SEM1: variants seen among roughly 807,000 people sequenced by gnomAD.
The protein encoded by SEM1 is 26S proteasome complex subunit SEM1.
In SEM1, 3 loss-of-function variants were observed where a neutral mutation model predicts 12.7. The ratio of observed to expected loss-of-function variants is 0.24; its 90% CI spans 0.11 to 0.61. The LOEUF (loss-of-function observed/expected upper bound fraction) is 0.61. Ranked by LOEUF, SEM1 falls within the 20% of genes least tolerant of loss-of-function variation. The pLI, the probability that SEM1 is intolerant of heterozygous loss-of-function variation, is 0.88. For missense variants in SEM1, 59 were observed against 81.3 expected, an observed-to-expected ratio of 0.73 and a Z score of 1.06; for synonymous variants, 30 against 27.8, an observed-to-expected ratio of 1.08 and a Z score of -0.25.
chr7:96,636,834 G>C (rs746743994), intron 2 of SEM1, among the ~76,000 whole-genome samples: 2 of 151,954 alleles, frequency 1.3e-5, no homozygotes, highest in Admixed American at 6.6e-5. Context: ...TATTGCTGTG[G>C]GTTTTGGAGA....
intron 2 of SEM1, among the ~76,000 whole-genome samples, chr7:96,683,653 T>C (rs913036689): frequency 2.6e-5 from 4 of 152,090 alleles, no homozygotes; most frequent in African/African-American, 9.7e-5. Flanking sequence ...AATGATAGAC[T>C]GGATAAAGAA....
At chr7:96,668,747 T>C (rs1406495599), downstream of SEM1, among the ~76,000 whole-genome samples, 1 of 129,862 alleles carries the variant, frequency 7.7e-6, no homozygotes, top group African/African-American at 2.5e-5. Context: ...CTTTCCCCTC[T>C]ACCAAAAAAA....
intron 2 of SEM1, chr7:96,486,171 T>C (rs992159703): frequency 4.7e-6 from 7 of 1,484,080 alleles, no homozygotes; most frequent in Non-Finnish European, 5.4e-6. Flanking sequence ...CTACCTTTTT[T>C]TTTTTTCCTC....
Position 96,586,041 on chromosome 7 carries a change from G to A in SEM1, c.171-79343C>T, listed in dbSNP as rs1032474859. On this transcript the variant is annotated intron_variant and NMD_transcript_variant, in intron 2 of 3. Coordinates refer to the SEM1 transcript ENST00000466986. ...ATTTGTAGAGATGAGGTCTTGCTAT[G>A]TTGCCCAGGCTAGTCTTGAACTCCT... 7.2e-5 allele frequency among the ~76,000 whole-genome samples: 11 copies of A among 152,144 alleles called. No homozygotes were observed. The South Asian group carries it at 1.0e-3, about 14-fold the overall frequency.
rs531247924 is a variant in SEM1, at chr7:96,562,664, C to G, written c.171-55966G>C. 9.2e-5 allele frequency among the ~76,000 whole-genome samples: 14 copies of G among 152,160 alleles called. 1 individual carries two copies. In the South Asian group the frequency reaches 2.7e-3, roughly 29 times the overall value. ...TATGAATATCACAGAAAGAACCTTA[C>G]AAGTGGATAGGAAAACTGGAATAAA... is the stretch of plus-strand genomic sequence containing the variant. On this transcript the variant is annotated intron_variant and NMD_transcript_variant, in intron 2 of 3. Coordinates refer to the SEM1 transcript ENST00000466986.
intron 2 of SEM1, among the ~76,000 whole-genome samples, chr7:96,510,654 G>T (rs1217939519): frequency 6.6e-6 from 1 of 152,058 alleles, no homozygotes; most frequent in Non-Finnish European, 1.5e-5. Flanking sequence ...GTACAATCTG[G>T]TATAATCTGG....
chr7:96,627,641 T>A (rs879344789), intron 2 of SEM1, among the ~76,000 whole-genome samples: 2 of 152,202 alleles, frequency 1.3e-5, no homozygotes, highest in South Asian at 2.1e-4. Flanking sequence ...ATGCTTGATA[T>A]GATTTCAACT....
chr7:96,545,265 T>C (rs78949000), intron 2 of SEM1, among the ~76,000 whole-genome samples: 3,125 of 152,170 alleles, frequency 0.021, 95 homozygotes, highest in African/African-American at 0.071. Flanking sequence ...TCAAAAATTT[T>C]GTCCCATGTA....
intron 2 of SEM1, among the ~76,000 whole-genome samples, chr7:96,646,840 T>C (rs1161205586): frequency 6.6e-6 from 1 of 152,192 alleles, no homozygotes; most frequent in Non-Finnish European, 1.5e-5. Context: ...GAGGGTGAAT[T>C]AGCAGATATC....
At chr7:96,686,846 C>G (rs1217887753), downstream of SEM1, among the ~76,000 whole-genome samples, 2 of 152,278 alleles carry the variant, frequency 1.3e-5, no homozygotes, top group Non-Finnish European at 1.5e-5. Flanking sequence ...TCACAGTGAA[C>G]AGGCAACCTA....
At chr7:96,556,047 A>C (rs985364001) in intron 2 of SEM1, among the ~76,000 whole-genome samples, 3 of 151,132 alleles carry the variant, frequency 2.0e-5, no homozygotes, top group Non-Finnish European at 3.0e-5. Flanking sequence ...TGCTTGGTAG[A>C]TCTTCCTCCA....
intron 2 of SEM1, among the ~76,000 whole-genome samples, chr7:96,534,241 C>G (rs566322936): frequency 6.6e-6 from 1 of 152,134 alleles, no homozygotes; most frequent in East Asian, 1.9e-4. Flanking sequence ...AAAAAAAGTT[C>G]AGCTTTGAAA....
chr7:96,687,707 A>T (rs1170069222), downstream of SEM1, among the ~76,000 whole-genome samples: 9 of 152,176 alleles, frequency 5.9e-5, no homozygotes, highest in African/African-American at 2.2e-4. Flanking sequence ...TGGGTGCAGC[A>T]CACCAGCATG....
At chr7:96,507,831 G>A (rs990815131) in intron 2 of SEM1, among the ~76,000 whole-genome samples, 24 of 151,902 alleles carry the variant, frequency 1.6e-4, no homozygotes, top group Non-Finnish European at 1.5e-5. Flanking sequence ...TCCTTGAGAG[G>A]GCGTCTCAGA....
intron 2 of SEM1, among the ~76,000 whole-genome samples, chr7:96,691,382 G>A (rs897494472): frequency 2.0e-5 from 3 of 152,176 alleles, no homozygotes; most frequent in Non-Finnish European, 4.4e-5. Context: ...AACTCTAGCA[G>A]TAAAGCACTA....
At chr7:96,570,346 GC>G (rs899707335) in intron 2 of SEM1, among the ~76,000 whole-genome samples, 3 of 151,102 alleles carry the variant, frequency 2.0e-5, no homozygotes, top group Admixed American at 6.6e-5. Context: ...CTCTCCCCTA[GC>G]CCCCCACCCC....
chr7:96,585,813 G>T (rs140439307), intron 2 of SEM1, among the ~76,000 whole-genome samples: 1 of 152,196 alleles, frequency 6.6e-6, no homozygotes, highest in Admixed American at 6.5e-5. Flanking sequence ...GCAATGCCTC[G>T]CCCTGCTTCG....
At chr7:96,643,508 A>T (rs9719008) in intron 2 of SEM1, among the ~76,000 whole-genome samples, 50,176 of 151,860 alleles carry the variant, frequency 0.33, 9,745 homozygotes, top group African/African-American at 0.55. Flanking sequence ...ATGCACACGT[A>T]TGTTTACTGC....
chr7:96,595,073 C>A (rs951238931), intron 2 of SEM1, among the ~76,000 whole-genome samples: 6 of 151,870 alleles, frequency 4.0e-5, no homozygotes, highest in Admixed American at 3.9e-4. Flanking sequence ...GAACATTTCC[C>A]CAAATTTAAC....
Sources: gnomAD v4.1 joint callset for allele counts (sites outside exome capture counted in the v4.1 genomes callset) on GRCh38, gnomAD v4.1.1 for gene constraint, MANE v1.5 for transcripts, NCBI Gene and HGNC (gene_info 2026-07-23, HGNC 2026-07-21) for gene names.